The following STIM1 variants were observed in gnomAD, a reference collection of about 807,000 sequenced individuals.
STIM1 encodes stromal interaction molecule 1.
STIM1 carries 25 observed loss-of-function variants against 74.7 expected under a neutral mutation model. That is an observed-to-expected ratio of 0.33 (90% CI 0.24 to 0.47). The LOEUF is 0.47. Ranked by LOEUF, STIM1 falls within the 20% of genes least tolerant of loss-of-function variation. STIM1 has a pLI of 1.00. For synonymous variants in STIM1, 328 were observed against 348.8 expected (o/e 0.94, Z 0.66); for missense variants, 728 against 920.8 (o/e 0.79, Z 2.71).
chr11:3,954,830 A>G (rs2093191698), intron 1 of STIM1, among the ~76,000 whole-genome samples: 1 of 152,164 alleles, frequency 6.6e-6, no homozygotes, highest in Non-Finnish European at 1.5e-5. Flanking sequence ...ACTTTAGAAA[A>G]CAGTTTGGCA....
chr11:3,930,485 G>A (rs1486311593), intron 1 of STIM1, among the ~76,000 whole-genome samples: 1 of 152,170 alleles, frequency 6.6e-6, no homozygotes, highest in African/African-American at 2.4e-5. Flanking sequence ...TCAGGAAAAT[G>A]GGGGCAAACA....
At chr11:4,019,681 A>G (rs1240356088) in intron 2 of STIM1, among the ~76,000 whole-genome samples, 1 of 152,170 alleles carries the variant, frequency 6.6e-6, no homozygotes, top group Admixed American at 6.5e-5. Context: ...AAAATTGTAC[A>G]TATTTATAGG....
intron 1 of STIM1, among the ~76,000 whole-genome samples, chr11:3,953,266 T>A (rs1278543176): frequency 6.6e-6 from 1 of 152,222 alleles, no homozygotes; most frequent in Admixed American, 6.5e-5. Flanking sequence ...GGTTTTTGGC[T>A]AGTTTGTTTC....
chr11:3,918,643 A>C (rs1042213723), intron 1 of STIM1, among the ~76,000 whole-genome samples: 1 of 152,176 alleles, frequency 6.6e-6, no homozygotes, highest in African/African-American at 2.4e-5. Context: ...TCCTATGCCC[A>C]TCCTAAAGTA....
intron 3 of STIM1, among the ~76,000 whole-genome samples, chr11:4,035,677 T>C (rs958834900): frequency 1.3e-5 from 2 of 152,144 alleles, no homozygotes; most frequent in African/African-American, 4.8e-5. Context: ...TTTAATTCCA[T>C]TGTGATCTGA....
At chr11:3,969,666 T>C (rs1333375723) in intron 2 of STIM1, among the ~76,000 whole-genome samples, 1 of 152,196 alleles carries the variant, frequency 6.6e-6, no homozygotes, top group Admixed American at 6.5e-5. Context: ...TAGTGGAGAA[T>C]CAGTGTGAGC....
At chr11:3,899,448 C>T (rs1188309340) in intron 1 of STIM1, among the ~76,000 whole-genome samples, 1 of 152,144 alleles carries the variant, frequency 6.6e-6, no homozygotes, top group Non-Finnish European at 1.5e-5. Flanking sequence ...GATATACAAT[C>T]ATGTCATCTG....
In STIM1 at chr11:3,992,081, G is replaced by GTTTTT. The variant is rs1554963559; in HGVS notation, c.270+24402_270+24406dup. 9.8e-5 allele frequency among the ~76,000 whole-genome samples: 9 copies of GTTTTT among 91,988 alleles called. 1 individual carries two copies. Among genetic ancestry groups the GTTTTT allele is most frequent in the African/African-American group, 4.2e-4 (9 of 21,340 alleles). 60.3% of individuals were successfully genotyped at this position (91,988 alleles called of 152,430 possible). ...TTTCTCTGCAGCCTTGCCAACATCT[G>GTTTTT]TTTTTTTGTTTTTTTTTTTTTTTTT... is the stretch of plus-strand genomic sequence containing the variant. On this transcript the variant is annotated intron_variant, in intron 2 of 12. Coordinates refer to ENST00000526596, the MANE Select transcript of STIM1 (RefSeq NM_001382567.1).
intron 3 of STIM1, among the ~76,000 whole-genome samples, chr11:4,049,831 T>C (rs1186355308): frequency 6.6e-6 from 1 of 151,892 alleles, no homozygotes. Flanking sequence ...AGTTCCTAGC[T>C]GGGTAACTTT....
rs534163123 is a variant in STIM1 at position 3,863,220 on chromosome 11, A to G, written c.139+6811A>G. 4.2e-3 allele frequency among the ~76,000 whole-genome samples: 535 copies of G among 125,898 alleles called. 4 individuals carry two copies. Among genetic ancestry groups the G allele is most frequent in the South Asian group, 0.02 (68 of 3,468 alleles). 82.6% of individuals were successfully genotyped at this position (125,898 alleles called of 152,430 possible). On this transcript the variant is annotated intron_variant, in intron 1 of 12. Transcript: ENST00000526596. ...CACACGTATATATTTGAGACAATGC[A>G]TGTGTGTGTGTGTGTGTGTGTGTGT... is the stretch of plus-strand genomic sequence containing the variant.
chr11:3,992,385 G>C (rs1024870486), intron 2 of STIM1, among the ~76,000 whole-genome samples: 4 of 151,906 alleles, frequency 2.6e-5, no homozygotes, highest in African/African-American at 9.7e-5. Context: ...CTGCACTTTA[G>C]CCTGGGTGAC....
At chr11:3,924,130 T>A (rs2092755862) in intron 1 of STIM1, among the ~76,000 whole-genome samples, 1 of 150,868 alleles carries the variant, frequency 6.6e-6, no homozygotes, top group South Asian at 2.1e-4. Flanking sequence ...TTTAGAACTT[T>A]AAAATTATTT....
At chr11:3,919,762 C>A (rs976575568) in intron 1 of STIM1, among the ~76,000 whole-genome samples, 2 of 152,054 alleles carry the variant, frequency 1.3e-5, no homozygotes, top group East Asian at 3.9e-4. Flanking sequence ...AACAACCATT[C>A]GATTTTTTAA....
intron 2 of STIM1, among the ~76,000 whole-genome samples, chr11:4,001,479 C>T (rs1169550330): frequency 6.6e-6 from 1 of 152,076 alleles, no homozygotes; most frequent in African/African-American, 2.4e-5. Flanking sequence ...TCATATCCAG[C>T]CAAACTAAGC....
intron 3 of STIM1, among the ~76,000 whole-genome samples, chr11:4,031,180 C>T (rs1339186164): frequency 6.6e-6 from 1 of 152,184 alleles, no homozygotes; most frequent in Non-Finnish European, 1.5e-5. Flanking sequence ...CACTTTCACT[C>T]AGTGTAACTA....
At chr11:4,088,977 A>G in intron 12 of STIM1, 1 of 462,374 alleles carries the variant, frequency 2.2e-6, no homozygotes, top group Non-Finnish European at 4.0e-6. Context: ...CACACCTGTA[A>G]TCCTAGCACT....
chr11:3,923,031 G>A lies in STIM1; in HGVS notation c.140-44521G>A, dbSNP rs560717257. On this transcript the variant is annotated intron_variant, in intron 1 of 12. Coordinates refer to ENST00000526596, the MANE Select transcript of STIM1 (RefSeq NM_001382567.1). ...GGAGAATGGTGTGAACCCGGGAGGCGGAGCTTGCAGTGAGCAGAGATCGGC... is the reference window on the plus strand; with the variant it reads ...GGAGAATGGTGTGAACCCGGGAGGCAGAGCTTGCAGTGAGCAGAGATCGGC... 9.2e-5 allele frequency among the ~76,000 whole-genome samples: 14 copies of A among 151,532 alleles called. No individual in the cohort carries two copies. The East Asian group carries it at 2.5e-3, about 28-fold the overall frequency.
intron 3 of STIM1, among the ~76,000 whole-genome samples, chr11:4,042,112 A>C (rs2094152702): frequency 6.6e-6 from 1 of 152,200 alleles, no homozygotes; most frequent in South Asian, 2.1e-4. Context: ...TCGGGAATCC[A>C]TTTACTATTA....
intron 3 of STIM1, among the ~76,000 whole-genome samples, chr11:4,054,553 C>T (rs1281769625): frequency 6.6e-6 from 1 of 152,078 alleles, no homozygotes; most frequent in South Asian, 2.1e-4. Context: ...GGAGTGCGAA[C>T]CCTATTATGA....
Sources: allele counts gnomAD v4.1 joint callset (sites outside exome capture counted in the v4.1 genomes callset), GRCh38; gene constraint gnomAD v4.1.1; transcripts MANE v1.5; gene names NCBI Gene and HGNC (gene_info 2026-07-23, HGNC 2026-07-21).